Variants in GRID2 observed in about 807,000 individuals in gnomAD.
GRID2 encodes glutamate ionotropic receptor delta type subunit 2.
A neutral mutation model predicts 114.8 loss-of-function variants in GRID2; 33 were observed. The ratio of observed to expected loss-of-function variants is 0.29; its 90% CI spans 0.22 to 0.38. GRID2 has a LOEUF of 0.38. Among genes scored for constraint, GRID2 ranks in the 10% least tolerant of loss-of-function variants. The probability of loss-of-function intolerance (pLI) is 1.00; values close to 1 mark genes in which losing one functional copy is unlikely to be tolerated. For synonymous variants in GRID2, 505 were observed against 449.9 expected, an observed-to-expected ratio of 1.12 and a Z score of -1.55; for missense variants, 1,184 against 1,257.7, an observed-to-expected ratio of 0.94 and a Z score of 0.89.
intron 14 of GRID2, among the ~76,000 whole-genome samples, chr4:93,741,325 A>C (rs1253265424): frequency 6.6e-6 from 1 of 151,382 alleles, no homozygotes; most frequent in Non-Finnish European, 1.5e-5. Flanking sequence ...TTTTGGAGGA[A>C]GATGGCAATG....
rs566666423 is a variant in GRID2 at position 92,473,936 on chromosome 4, T to C, written c.89-116195T>C. 3.9e-4 allele frequency among the ~76,000 whole-genome samples: 58 copies of C among 150,314 alleles called. 1 individual carries two copies. The highest frequency in any genetic ancestry group is 1.4e-3 in the African/African-American group (56 of 40,920). On this transcript the variant is annotated intron_variant, in intron 1 of 15. Coordinates refer to ENST00000282020, the MANE Select transcript of GRID2 (RefSeq NM_001510.4). The stretch of plus-strand genomic sequence containing the variant: ...ATTACCACAATCTAGCTAAAAATCA[T>C]ACCCATCACCTCAAATTGTTATCTT...
intron 2 of GRID2, among the ~76,000 whole-genome samples, chr4:93,084,754 T>C (rs931973599): frequency 9.2e-5 from 14 of 152,212 alleles, no homozygotes; most frequent in Non-Finnish European, 2.1e-4. Flanking sequence ...TTACAGATGA[T>C]GAAACCGAGC....
intron 13 of GRID2, among the ~76,000 whole-genome samples, chr4:93,521,031 G>A (rs895511861): frequency 6.6e-6 from 1 of 151,982 alleles, no homozygotes; most frequent in Non-Finnish European, 1.5e-5. Flanking sequence ...TGATGAGAAG[G>A]GATTAAATTT....
At chr4:92,522,278 A>C (rs773663148) in intron 1 of GRID2, among the ~76,000 whole-genome samples, 19 of 151,970 alleles carry the variant, frequency 1.3e-4, no homozygotes, top group Non-Finnish European at 2.5e-4. Context: ...AAGGAACAAT[A>C]AGGAGGCAGG....
intron 2 of GRID2, among the ~76,000 whole-genome samples, chr4:92,752,463 A>T (rs1737500982): frequency 6.6e-6 from 1 of 152,204 alleles, no homozygotes; most frequent in South Asian, 2.1e-4. Flanking sequence ...TCTTAGCAAA[A>T]TAAGAGTGTA....
intron 2 of GRID2, among the ~76,000 whole-genome samples, chr4:93,001,245 G>A (rs1428831302): frequency 1.3e-5 from 2 of 151,484 alleles, no homozygotes; most frequent in African/African-American, 4.8e-5. Flanking sequence ...AAAATGTTAT[G>A]TGTAAACACA....
intron 1 of GRID2, among the ~76,000 whole-genome samples, chr4:92,330,381 T>C (rs1726820566): frequency 6.6e-6 from 1 of 152,090 alleles, no homozygotes; most frequent in South Asian, 2.1e-4. Context: ...TTTGGATGGC[T>C]GGTTTTAGTA....
chr4:92,399,659 C>G (rs972969747), intron 1 of GRID2, among the ~76,000 whole-genome samples: 1 of 139,250 alleles, frequency 7.2e-6, no homozygotes, highest in African/African-American at 2.9e-5. Context: ...CTCTCTCTCT[C>G]TCTCTCTATA....
chr4:93,224,925 A>C, intron 7 of GRID2, 150 bp downstream of exon 7: 1 of 602,708 alleles, frequency 1.7e-6, no homozygotes, highest in Non-Finnish European at 2.8e-6. Flanking sequence ...AAAAGGTGAG[A>C]GAGTCATCAA....
intron 14 of GRID2, among the ~76,000 whole-genome samples, chr4:93,645,099 C>G (rs1213802148): frequency 6.6e-6 from 1 of 152,044 alleles, no homozygotes; most frequent in Non-Finnish European, 1.5e-5. Context: ...CAGGCAAAGT[C>G]AAAGGCCTGA....
chr4:92,619,304 A>G (rs1289405348), intron 2 of GRID2, among the ~76,000 whole-genome samples: 1 of 151,672 alleles, frequency 6.6e-6, no homozygotes, highest in Non-Finnish European at 1.5e-5. Flanking sequence ...AGCAATATGT[A>G]GGCAGCTAGA....
At chr4:93,238,194 G>T (rs1160247878) in intron 7 of GRID2, among the ~76,000 whole-genome samples, 177 bp from the exon 8 acceptor site, 1 of 151,816 alleles carries the variant, frequency 6.6e-6, no homozygotes, top group Non-Finnish European at 1.5e-5. Context: ...CCAAAGTTAG[G>T]TTCAACTGTA....
At chr4:92,626,559 A>G (rs1201151217) in intron 2 of GRID2, among the ~76,000 whole-genome samples, 1 of 152,072 alleles carries the variant, frequency 6.6e-6, no homozygotes, top group African/African-American at 2.4e-5. Context: ...AATTTATTGT[A>G]TGAGAAGGCT....
At chr4:92,419,991 A>G (rs1295909820) in intron 1 of GRID2, among the ~76,000 whole-genome samples, 1 of 152,148 alleles carries the variant, frequency 6.6e-6, no homozygotes, top group Non-Finnish European at 1.5e-5. Context: ...ATAAAGTATG[A>G]TATTTTCAGC....
intron 1 of GRID2, among the ~76,000 whole-genome samples, chr4:92,563,768 T>G (rs1727212570): frequency 6.6e-6 from 1 of 152,252 alleles, no homozygotes; most frequent in East Asian, 1.9e-4. Context: ...ATTAGTCAGA[T>G]ATTTTTCTGT....
intron 1 of GRID2, among the ~76,000 whole-genome samples, chr4:92,465,545 T>C (rs1721713773): frequency 6.6e-6 from 1 of 152,148 alleles, no homozygotes; most frequent in South Asian, 2.1e-4. Context: ...AGTAGAATTG[T>C]AGATGATGTT....
intron 2 of GRID2, among the ~76,000 whole-genome samples, chr4:92,797,597 CTT>C (rs1035720209): frequency 1.3e-5 from 2 of 151,860 alleles, no homozygotes; most frequent in Non-Finnish European, 2.9e-5. Flanking sequence ...AAAATTTTAA[CTT>C]TTTCAATATA....
At chr4:92,533,578 C>G (rs1023753286) in intron 1 of GRID2, among the ~76,000 whole-genome samples, 2 of 152,026 alleles carry the variant, frequency 1.3e-5, no homozygotes, top group Non-Finnish European at 2.9e-5. Context: ...CACTCCTACC[C>G]CTATGAGAGA....
At chr4:93,345,083 T>C (rs1760082648) in intron 8 of GRID2, among the ~76,000 whole-genome samples, 1 of 151,862 alleles carries the variant, frequency 6.6e-6, no homozygotes, top group African/African-American at 2.4e-5. Flanking sequence ...TGATTCCGTA[T>C]CTTGGCTATT....
Sources: gnomAD v4.1 joint callset for allele counts (sites outside exome capture counted in the v4.1 genomes callset) on GRCh38, gnomAD v4.1.1 for gene constraint, MANE v1.5 for transcripts, NCBI Gene and HGNC (gene_info 2026-07-23, HGNC 2026-07-21) for gene names.